The following SSTR4 variants were observed in gnomAD, a reference collection of about 807,000 sequenced individuals.
SSTR4 encodes the protein somatostatin receptor type 4.
For synonymous variants in SSTR4, 272 were observed against 246.3 expected (o/e 1.10, Z -0.98); for missense variants, 649 against 540.6 (o/e 1.20, Z -1.99).
rs1332664080 is a variant in SSTR4, at chr20:23,037,681, G to T, written c.*1031G>T. Among the ~76,000 whole-genome samples the T allele has an allele frequency of 2.6e-5, 4 of 152,224 alleles. No individual in the cohort carries two copies. Among genetic ancestry groups the T allele is most frequent in the Admixed American group, 6.5e-5 (1 of 15,290 alleles). On this transcript the variant is annotated 3_prime_UTR_variant, in exon 1 of 1. Coordinates refer to ENST00000255008, the MANE Select transcript of SSTR4 (RefSeq NM_001052.4). ...CAAAGGATAAATTATCTTTCCCAAA[G>T]GGAAAGAGCTTAAGAGGAGCTCTAA...
rs1254861879 is a variant in SSTR4, at chr20:23,037,863, T to C, written c.*1213T>C. Among the ~76,000 whole-genome samples, 1 of 152,150 alleles carries C rather than the reference T, an allele frequency of 6.6e-6. No homozygotes were observed. Among genetic ancestry groups the C allele is most frequent in the Admixed American group, 6.5e-5 (1 of 15,276 alleles). ...CCTCTGGGTTTAACCGGCCTGATTC[T>C]GGATGATCATTCTGGTGGTATGGGG... On this transcript the variant is annotated 3_prime_UTR_variant, in exon 1 of 1. Coordinates refer to ENST00000255008, the MANE Select transcript of SSTR4 (RefSeq NM_001052.4).
At position 23,035,836 on chromosome 20, in the gene SSTR4, T is replaced by G. The variant is rs896443403; in HGVS notation, c.353T>G (p.Leu118Arg). The G allele has an allele frequency of 4.4e-6, 7 of 1,598,302 alleles. No homozygotes were observed. Among genetic ancestry groups the G allele is most frequent in the East Asian group, 2.2e-5 (1 of 44,760 alleles). ...CGCCACTGGCCCTTCGGCTCCGTGC[T>G]GTGCCGCGCGGTGCTCAGCGTCGAC... ...ALRHWPFGSV[L>R]CRAVLSVDGL... The change falls in exon 1 of 1, where the codon CTG becomes CGG. Residue 118 changes from leucine to arginine, a missense_variant. By Grantham distance (102) the Leu-to-Arg change is moderately radical. Coordinates refer to ENST00000255008, the MANE Select transcript of SSTR4 (RefSeq NM_001052.4).
rs1984370613 is a variant in SSTR4 at position 23,037,896 on chromosome 20, T to C, written c.*1246T>C. ...CATTCTGGTGGTATGGGGAAGATGGTGTGGGGAGGGGGAGAGACAGCCAAA... is the reference window on the plus strand; with the variant it reads ...CATTCTGGTGGTATGGGGAAGATGGCGTGGGGAGGGGGAGAGACAGCCAAA... On this transcript the variant is annotated 3_prime_UTR_variant, in exon 1 of 1. Coordinates refer to ENST00000255008, the MANE Select transcript of SSTR4 (RefSeq NM_001052.4). Among the ~76,000 whole-genome samples, 1 of 151,930 alleles carries C rather than the reference T, an allele frequency of 6.6e-6. No individual in the cohort carries two copies. The highest frequency in any genetic ancestry group is 1.5e-5 in the Non-Finnish European group (1 of 67,982).
Position 23,036,441 on chromosome 20 carries a change from C to G in SSTR4, c.958C>G (p.Arg320Gly), listed in dbSNP as rs372006347. 1.9e-6 allele frequency: 3 copies of G among 1,613,780 alleles called. No individual in the cohort carries two copies. Among genetic ancestry groups the G allele is most frequent in the African/African-American group, 1.3e-5 (1 of 74,922 alleles). ...TGGCTTCCTCTCCGACAACTTCCGCCGATTCTTCCAGCGGGTTCTCTGCCT... is the reference window on the plus strand; with the variant it reads ...TGGCTTCCTCTCCGACAACTTCCGCGGATTCTTCCAGCGGGTTCTCTGCCT... Reference protein sequence around the residue: ...LYGFLSDNFRRFFQRVLCLRC... With the variant: ...LYGFLSDNFRGFFQRVLCLRC... The change falls in exon 1 of 1, where the codon CGA (arginine) becomes GGA (glycine). Residue 320 changes from arginine to glycine, a missense_variant. Coordinates refer to ENST00000255008, the MANE Select transcript of SSTR4 (RefSeq NM_001052.4).
In SSTR4 at chr20:23,035,941, G is replaced by C. The variant is rs542657849; in HGVS notation, c.458G>C (p.Arg153Pro). 2 of 1,611,472 alleles carry C rather than the reference G, an allele frequency of 1.2e-6. No homozygotes were observed. The highest frequency in any genetic ancestry group is 2.2e-5 in the South Asian group (2 of 90,930). Residue 153 changes from arginine to proline, a missense_variant, in exon 1 of 1, where the codon CGC becomes CCC. Arg to Pro is a moderately radical substitution (Grantham distance 103). Transcript: ENST00000255008. ...DRYVAVVHPL[R>P]AATYRRPSVA... Reference sequence around the variant, plus strand: ...TACGTGGCCGTGGTGCACCCTCTGCGCGCGGCGACCTACCGGCGGCCCAGC... The same window carrying C: ...TACGTGGCCGTGGTGCACCCTCTGCCCGCGGCGACCTACCGGCGGCCCAGC...
In SSTR4 at chr20:23,035,617, C is replaced by G. The variant is rs1420818755; in HGVS notation, c.134C>G (p.Ala45Gly). The G allele has an allele frequency of 1.3e-6, 2 of 1,543,630 alleles. No individual in the cohort carries two copies. The highest frequency in any genetic ancestry group is 2.0e-5 in the Admixed American group (1 of 48,798). Residue 45 changes from alanine to glycine, a missense_variant, in exon 1 of 1, where the codon GCG becomes GGG. Physicochemically the swap from Ala to Gly is moderately conservative, Grantham distance 60. Transcript: ENST00000255008. ...GCGGGGCCCGGGGACGCGCGGGCGG[C>G]GGGCATGGTCGCTATCCAGTGCATC... The part of the protein sequence containing the change: ...AVAGPGDARA[A>G]GMVAIQCIYA...
chr20:23,035,981 C>T lies in SSTR4; in HGVS notation c.498C>T (p.Ile166=). 1 of 1,604,338 alleles carries T rather than the reference C, an allele frequency of 6.2e-7. No individual in the cohort carries two copies. Among genetic ancestry groups the T allele is most frequent in the Non-Finnish European group, 8.5e-7 (1 of 1,177,740 alleles). ...TYRRPSVAKL[I]NLGVWLASLL... is the part of the protein sequence containing the mutation. ...GGCGGCCCAGCGTGGCCAAGCTCAT[C>T]AACCTGGGCGTGTGGCTGGCATCCC... The change falls in exon 1 of 1, where the codon ATC becomes ATT. Residue 166 remains isoleucine, a synonymous_variant. Transcript: ENST00000255008.
At position 23,036,114 on chromosome 20, in the gene SSTR4, T is replaced by G. The variant is rs781551141; in HGVS notation, c.631T>G (p.Phe211Val). The G allele has an allele frequency of 6.2e-7, 1 of 1,603,184 alleles. No homozygotes were observed. Among genetic ancestry groups the G allele is most frequent in the Non-Finnish European group, 8.5e-7 (1 of 1,179,668 alleles). ...GCCACACCCGGCCTGGTCGGCAGTC[T>G]TCGTGGTCTACACTTTCCTGCTGGG... Reference protein sequence around the residue: ...QWPHPAWSAVFVVYTFLLGFL... With the variant: ...QWPHPAWSAVVVVYTFLLGFL... The change falls in exon 1 of 1, where the codon TTC becomes GTC. Residue 211 changes from phenylalanine (F) to valine (V), a missense_variant. Transcript: ENST00000255008.
In SSTR4 at chr20:23,036,167, C is replaced by G. The variant is rs4988473; in HGVS notation, c.684C>G (p.Gly228=). Residue 228 remains glycine (G), a synonymous_variant, in exon 1 of 1, where the codon GGC becomes GGG. Coordinates refer to ENST00000255008, the MANE Select transcript of SSTR4 (RefSeq NM_001052.4). ...LGFLLPVLAI[G]LCYLLIVGKM... is the part of the protein sequence containing the mutation. Reference sequence around the variant, plus strand: ...TCCTGCTGCCCGTGCTGGCCATTGGCCTGTGCTACCTGCTCATCGTGGGCA... The same window carrying G: ...TCCTGCTGCCCGTGCTGGCCATTGGGCTGTGCTACCTGCTCATCGTGGGCA... 2 of 1,610,024 alleles carry G rather than the reference C, an allele frequency of 1.2e-6. No homozygotes were observed. The highest frequency in any genetic ancestry group is 1.7e-6 in the Non-Finnish European group (2 of 1,179,680).
Position 23,038,472 on chromosome 20 carries a change from C to A in SSTR4, c.*1822C>A, listed in dbSNP as rs1984387077. Among the ~76,000 whole-genome samples, 2 of 152,152 alleles carry A rather than the reference C, an allele frequency of 1.3e-5. No individual in the cohort carries two copies. Among genetic ancestry groups the A allele is most frequent in the African/African-American group, 4.8e-5 (2 of 41,410 alleles). On this transcript the variant is annotated 3_prime_UTR_variant, in exon 1 of 1. Transcript: ENST00000255008. ...TTGGCAACACTAGTGTGTGGCTGCC[C>A]AGATTAGCATGGAATAAGACACATT...
chr20:23,036,552 G>C lies in SSTR4; in HGVS notation c.1069G>C (p.Ala357Pro). ...YATALKSKGG[A>P]GCMCPPLPCQ... ...CACTGCTCTCAAGAGCAAAGGTGGG[G>C]CAGGGTGCATGTGCCCCCCACTCCC... is the stretch of plus-strand genomic sequence containing the variant. The change falls in exon 1 of 1, where the codon GCA becomes CCA. Residue 357 changes from alanine (A) to proline (P), a missense_variant. Transcript: ENST00000255008. The C allele has an allele frequency of 1.9e-6, 3 of 1,612,430 alleles. No homozygotes were observed. Among genetic ancestry groups the C allele is most frequent in the Non-Finnish European group, 2.5e-6 (3 of 1,179,432 alleles).
chr20:23,037,958 A>C lies in SSTR4; in HGVS notation c.*1308A>C, dbSNP rs1322581515. On this transcript the variant is annotated 3_prime_UTR_variant, in exon 1 of 1. Transcript: ENST00000255008. ...TATGCCCTTCAGAGTGGTCAGCCTC[A>C]CAGACCACTCTGAGAGAATGGGTAG... 6.6e-6 allele frequency among the ~76,000 whole-genome samples: 1 copy of C among 152,168 alleles called. No homozygotes were observed. Among genetic ancestry groups the C allele is most frequent in the Non-Finnish European group, 1.5e-5 (1 of 68,028 alleles).
Position 23,036,652 on chromosome 20 carries a change from G to A in SSTR4, c.*2G>A. 2.6e-6 allele frequency: 4 copies of A among 1,538,262 alleles called. No homozygotes were observed. The highest frequency in any genetic ancestry group is 3.5e-6 in the Non-Finnish European group (4 of 1,143,822). ...CTCACCAGGACCACCACCTTCTGAG[G>A]AGCCCTTCCCCTACCCACCCTGCGT... On this transcript the variant is annotated 3_prime_UTR_variant, in exon 1 of 1. Transcript: ENST00000255008.
Position 23,037,075 on chromosome 20 carries a change from A to G in SSTR4, c.*425A>G, listed in dbSNP as rs1476238746. Among the ~76,000 whole-genome samples, 2 of 152,194 alleles carry G rather than the reference A, an allele frequency of 1.3e-5. No individual in the cohort carries two copies. The highest frequency in any genetic ancestry group is 2.4e-5 in the African/African-American group (1 of 41,436). On this transcript the variant is annotated 3_prime_UTR_variant, in exon 1 of 1. Transcript: ENST00000255008. Reference sequence around the variant, plus strand: ...CTTGTGGTGGGAGCACAGCTTGTACAGGAGAGAGGAGGAAGGAAGATGCCC... The same window carrying G: ...CTTGTGGTGGGAGCACAGCTTGTACGGGAGAGAGGAGGAAGGAAGATGCCC...
chr20:23,035,606 C>G lies in SSTR4; in HGVS notation c.123C>G (p.Asp41Glu). Residue 41 changes from aspartate (D) to glutamate (E), a missense_variant, in exon 1 of 1, where the codon GAC becomes GAG. By Grantham distance (45) the Asp-to-Glu change is conservative. Transcript: ENST00000255008. ...EAEEAVAGPG[D>E]ARAAGMVAIQ... is the part of the protein sequence containing the mutation. ...AGGAGGCGGTGGCGGGGCCCGGGGACGCGCGGGCGGCGGGCATGGTCGCTA... is the reference window on the plus strand; with the variant it reads ...AGGAGGCGGTGGCGGGGCCCGGGGAGGCGCGGGCGGCGGGCATGGTCGCTA... The G allele has an allele frequency of 6.5e-7, 1 of 1,549,742 alleles. No individual in the cohort carries two copies. The highest frequency in any genetic ancestry group is 8.7e-7 in the Non-Finnish European group (1 of 1,153,386).
chr20:23,038,366 T>C lies in SSTR4; in HGVS notation c.*1716T>C, dbSNP rs1600405679. 1 of 152,022 alleles carries C rather than the reference T, an allele frequency of 6.6e-6. No homozygotes were observed. Among genetic ancestry groups the C allele is most frequent in the African/African-American group, 2.4e-5 (1 of 41,328 alleles). The allele number at this position is 152,022 out of a possible 1,614,324, so 9.4% of individuals were successfully genotyped here. A position where few individuals can be genotyped will look rare whatever the true frequency, so the allele number is the denominator to read the frequency against. On this transcript the variant is annotated 3_prime_UTR_variant, in exon 1 of 1. Transcript: ENST00000255008. ...GCTTCTTCCCAGCTTGTACGTGGGG[T>C]TGGGGGTCCTTTCTTTAGTCTCTCA...
rs769276978 is a variant in SSTR4 at position 23,035,869 on chromosome 20, A to C, written c.386A>C (p.Asn129Thr). The change falls in exon 1 of 1, where the codon AAC becomes ACC. Residue 129 changes from asparagine to threonine, a missense_variant. Physicochemically the swap from Asn to Thr is moderately conservative, Grantham distance 65. Coordinates refer to ENST00000255008, the MANE Select transcript of SSTR4 (RefSeq NM_001052.4). Reference protein sequence around the residue: ...CRAVLSVDGLNMFTSVFCLTV... With the variant: ...CRAVLSVDGLTMFTSVFCLTV... The stretch of plus-strand genomic sequence containing the variant: ...GCGGTGCTCAGCGTCGACGGCCTCA[A>C]CATGTTCACCAGCGTCTTCTGTCTC... The C allele has an allele frequency of 1.9e-6, 3 of 1,611,966 alleles. No individual in the cohort carries two copies. The highest frequency in any genetic ancestry group is 1.7e-6 in the Non-Finnish European group (2 of 1,179,036).
Position 23,035,754 on chromosome 20 carries a change from G to A in SSTR4, c.271G>A (p.Val91Ile), listed in dbSNP as rs780226976. ...CAACATCTACCTGCTCAACCTGGCC[G>A]TAGCCGACGAGCTCTTCATGCTGAG... ...ATNIYLLNLA[V>I]ADELFMLSVP... The change falls in exon 1 of 1, where the codon GTA becomes ATA. Residue 91 changes from valine (V) to isoleucine (I), a missense_variant. Val to Ile is a conservative substitution (Grantham distance 29). Coordinates refer to ENST00000255008, the MANE Select transcript of SSTR4 (RefSeq NM_001052.4). 1 of 1,590,090 alleles carries A rather than the reference G, an allele frequency of 6.3e-7. No individual in the cohort carries two copies.
Position 23,036,852 on chromosome 20 carries a change from C to CATA in SSTR4, c.*202_*203insATA. On this transcript the variant is annotated 3_prime_UTR_variant, in exon 1 of 1. Coordinates refer to ENST00000255008, the MANE Select transcript of SSTR4 (RefSeq NM_001052.4). ...CACTCTGGCTTTCAAAAGGATGCTT[C>CATA]CATATGGGTAGGACTCCTCTGGAAA... The CATA allele has an allele frequency of 1.8e-6, 1 of 571,286 alleles. No homozygotes were observed. The highest frequency in any genetic ancestry group is 3.0e-6 in the Non-Finnish European group (1 of 335,264). 35.4% of individuals were successfully genotyped at this position (571,286 alleles called of 1,614,324 possible). A position where few individuals can be genotyped will look rare whatever the true frequency, so the allele number is the denominator to read the frequency against.
Sources: allele counts gnomAD v4.1 joint callset (sites outside exome capture counted in the v4.1 genomes callset), GRCh38; gene constraint gnomAD v4.1.1; transcripts MANE v1.5; gene names NCBI Gene and HGNC (gene_info 2026-07-23, HGNC 2026-07-21).